Variants in RNF216 observed in about 807,000 individuals in gnomAD.
RNF216 encodes ring finger protein 216.
Under a neutral mutation model 110.8 loss-of-function variants are expected in RNF216, and 72 were observed. The ratio of observed to expected loss-of-function variants is 0.65; its 90% CI spans 0.54 to 0.79. RNF216 has a LOEUF of 0.79. RNF216 is among the 30% of genes least tolerant of loss of function. The probability of loss-of-function intolerance (pLI) is 0.00; values close to 1 mark genes in which losing one functional copy is unlikely to be tolerated. For missense variants in RNF216, 1,342 were observed against 1,141.2 expected (o/e 1.18, Z -2.54); for synonymous variants, 495 against 407.5 (o/e 1.21, Z -2.59).
In RNF216 at chr7:5,622,909, T is replaced by C; in HGVS notation, c.2723A>G (p.Glu908Gly). ...YDFGPIHMPLEHNLPMHFGPQ... is the reference protein window; with the variant it reads ...YDFGPIHMPLGHNLPMHFGPQ... ...GCCAAAGTGCATGGGCAGGTTGTGC[T>C]CCAGGGGCATGTGGATGGGACCGAA... The change falls in exon 17 of 17, where the codon GAG becomes GGG. Residue 908 changes from glutamate to glycine, a missense_variant. Physicochemically the swap from Glu to Gly is moderately conservative, Grantham distance 98. Transcript: ENST00000389902. 4 of 1,612,910 alleles carry C rather than the reference T, an allele frequency of 2.5e-6. No individual in the cohort carries two copies. Among genetic ancestry groups the C allele is most frequent in the Non-Finnish European group, 2.5e-6 (3 of 1,179,440 alleles).
At chr7:5,762,878 T>C (rs1190142917) in intron 1 of RNF216, among the ~76,000 whole-genome samples, 1 of 152,186 alleles carries the variant, frequency 6.6e-6, no homozygotes, top group Non-Finnish European at 1.5e-5. Flanking sequence ...AACATGAACA[T>C]ATGTTAAATC....
At chr7:5,665,119 T>C (rs759747146) in intron 13 of RNF216, among the ~76,000 whole-genome samples, 1 of 152,216 alleles carries the variant, frequency 6.6e-6, no homozygotes, top group Non-Finnish European at 1.5e-5. Context: ...AATTCTAACA[T>C]GAATTCTTCT....
chr7:5,676,597 G>A (rs943486559), intron 13 of RNF216, among the ~76,000 whole-genome samples: 1 of 152,094 alleles, frequency 6.6e-6, no homozygotes, highest in Admixed American at 6.6e-5. Context: ...GGGGCTCCTG[G>A]CACACAAAAG....
chr7:5,678,463 A>G (rs958283674), intron 13 of RNF216, among the ~76,000 whole-genome samples: 1 of 152,200 alleles, frequency 6.6e-6, no homozygotes, highest in East Asian at 1.9e-4. Context: ...TCAGAGATTC[A>G]TGCCACCTGG....
At position 5,624,422 on chromosome 7, in the gene RNF216, G is replaced by A. The variant is rs1028272279; in HGVS notation, c.2383-297C>T. 6.6e-6 allele frequency among the ~76,000 whole-genome samples: 1 copy of A among 152,250 alleles called. No individual in the cohort carries two copies. The highest frequency in any genetic ancestry group is 1.5e-5 in the Non-Finnish European group (1 of 68,032). On this transcript the variant is annotated intron_variant, in intron 15 of 16. Transcript: ENST00000389902. The surrounding 1 kb of genome is among the most constrained non-coding windows in gnomAD (Gnocchi z 4.4). ...ATGGAGGGCCTCCATGCACTGAGCT[G>A]CGTGCAAGTGGTGGATATGAGAAGG...
rs532332030 is a variant in RNF216 at position 5,681,874 on chromosome 7, C to G, written c.2062-29364G>C. Among the ~76,000 whole-genome samples the G allele has an allele frequency of 3.3e-5, 5 of 152,316 alleles. No individual in the cohort carries two copies. The East Asian group carries it at 9.6e-4, about 29-fold the overall frequency. ...AAAAGGCCAAATTCAAAAGCAAGTT[C>G]AACATGAAGACGGGATCTGTGTAGC... On this transcript the variant is annotated intron_variant, in intron 13 of 16. Transcript: ENST00000389902.
chr7:5,774,778 G>C (rs1291980240), intron 1 of RNF216, among the ~76,000 whole-genome samples: 1 of 150,600 alleles, frequency 6.6e-6, no homozygotes, highest in Non-Finnish European at 1.5e-5. Context: ...TTTTTATTGA[G>C]ACGAAGTTTT....
intron 15 of RNF216, among the ~76,000 whole-genome samples, chr7:5,638,178 G>C (rs1584353729): frequency 6.6e-6 from 1 of 152,234 alleles, no homozygotes; most frequent in Middle Eastern, 3.4e-3. Flanking sequence ...AATCCATACT[G>C]TTTGTTTTCG....
intron 2 of RNF216, chr7:5,760,578 C>A: frequency 3.6e-6 from 1 of 279,046 alleles, no homozygotes; most frequent in Non-Finnish European, 7.2e-6. Flanking sequence ...TCCAAAATTC[C>A]CCTCAAGGCT....
At chr7:5,691,174 C>T (rs901026846) in intron 13 of RNF216, among the ~76,000 whole-genome samples, 1 of 152,176 alleles carries the variant, frequency 6.6e-6, no homozygotes, top group African/African-American at 2.4e-5. Flanking sequence ...AACGTGACAG[C>T]ACTTCTGCTC....
intron 1 of RNF216, among the ~76,000 whole-genome samples, chr7:5,780,630 G>A (rs941007934): frequency 6.6e-6 from 1 of 152,004 alleles, no homozygotes; most frequent in Admixed American, 6.6e-5. Flanking sequence ...GCTTGAATCC[G>A]GGAGGCAGAG....
chr7:5,772,177 G>A (rs1796534620), intron 1 of RNF216, among the ~76,000 whole-genome samples: 2 of 151,306 alleles, frequency 1.3e-5, no homozygotes, highest in South Asian at 4.2e-4. Context: ...AGGTTGCGGT[G>A]AGCCGAGATC....
At chr7:5,772,614 A>T (rs1252144170) in intron 1 of RNF216, among the ~76,000 whole-genome samples, 1 of 152,168 alleles carries the variant, frequency 6.6e-6, no homozygotes, top group Non-Finnish European at 1.5e-5. Flanking sequence ...GGGGCTTCTC[A>T]TTAAATGTCT....
chr7:5,742,639 A>C (rs1454814152), intron 3 of RNF216, among the ~76,000 whole-genome samples: 1 of 117,394 alleles, frequency 8.5e-6, no homozygotes, highest in Non-Finnish European at 1.6e-5. Context: ...TCTATTGCCC[A>C]GGCTGGAGTG....
At chr7:5,726,150 C>T (rs945202120) in intron 7 of RNF216, among the ~76,000 whole-genome samples, 1 of 152,030 alleles carries the variant, frequency 6.6e-6, no homozygotes, top group African/African-American at 2.4e-5. Flanking sequence ...TGGTGGTCCA[C>T]AGCTGTGGTC....
At chr7:5,746,322 C>G (rs981086443) in intron 3 of RNF216, among the ~76,000 whole-genome samples, 1 of 152,162 alleles carries the variant, frequency 6.6e-6, no homozygotes, top group Non-Finnish European at 1.5e-5. Flanking sequence ...TCACAAATCA[C>G]TGGCAATAAC....
At chr7:5,634,296 CTG>C (rs1262037634) in intron 15 of RNF216, among the ~76,000 whole-genome samples, 3 of 144,116 alleles carry the variant, frequency 2.1e-5, no homozygotes, top group Non-Finnish European at 3.1e-5. Flanking sequence ...TGCTTCCCCT[CTG>C]AGATTCTGGG....
chr7:5,716,436 A>G (rs1438425177), intron 10 of RNF216, among the ~76,000 whole-genome samples: 1 of 152,162 alleles, frequency 6.6e-6, no homozygotes, highest in African/African-American at 2.4e-5. Flanking sequence ...CTCTAAAGTG[A>G]TATCTAAGTT....
intron 13 of RNF216, among the ~76,000 whole-genome samples, chr7:5,700,081 C>T (rs1562404523): frequency 6.6e-6 from 1 of 152,164 alleles, no homozygotes; most frequent in South Asian, 2.1e-4. Context: ...TCTCCACATT[C>T]CCCGCCCTGA....
Sources: allele counts gnomAD v4.1 joint callset (sites outside exome capture counted in the v4.1 genomes callset), GRCh38; gene constraint gnomAD v4.1.1; non-coding constraint Gnocchi (gnomAD v3.1); transcripts MANE v1.5; gene names NCBI Gene and HGNC (gene_info 2026-07-23, HGNC 2026-07-21).